GRID1: variants seen among roughly 807,000 people sequenced by gnomAD.
GRID1 encodes the protein glutamate receptor ionotropic, delta-1.
Under a neutral mutation model 98.0 loss-of-function variants are expected in GRID1, and 28 were observed. The ratio of observed to expected loss-of-function variants is 0.29; its 90% CI spans 0.21 to 0.39. The LOEUF (loss-of-function observed/expected upper bound fraction) is 0.39, where lower values mean the gene tolerates loss of function less well. GRID1 is among the 10% of genes least tolerant of loss of function. GRID1 has a pLI of 1.00. For synonymous variants in GRID1, 553 were observed against 538.5 expected, an observed-to-expected ratio of 1.03 and a Z score of -0.37; for missense variants, 1,111 against 1,340.5, an observed-to-expected ratio of 0.83 and a Z score of 2.67.
chr10:86,355,427 T>C (rs938469899), intron 2 of GRID1, among the ~76,000 whole-genome samples: 1 of 152,134 alleles, frequency 6.6e-6, no homozygotes, highest in African/African-American at 2.4e-5. Flanking sequence ...GAGGGAAAAC[T>C]GGAAAGATGG....
At chr10:85,714,310 T>C (rs1222167744) in intron 12 of GRID1, among the ~76,000 whole-genome samples, 3 of 152,032 alleles carry the variant, frequency 2.0e-5, no homozygotes, top group Non-Finnish European at 4.4e-5. Context: ...TCAAGTACTA[T>C]GTTTATCTGA....
intron 2 of GRID1, among the ~76,000 whole-genome samples, chr10:86,349,931 G>A (rs920243040): frequency 3.3e-5 from 5 of 152,182 alleles, no homozygotes; most frequent in South Asian, 2.1e-4. Flanking sequence ...CATCATTGCC[G>A]ACGAGGACGC....
intron 5 of GRID1, among the ~76,000 whole-genome samples, chr10:85,872,268 G>A (rs1306991421): frequency 6.6e-6 from 1 of 152,160 alleles, no homozygotes; most frequent in Non-Finnish European, 1.5e-5. Context: ...ACCTGGGGAG[G>A]TCATGAAGAC....
intron 2 of GRID1, among the ~76,000 whole-genome samples, chr10:86,317,614 C>T (rs1164740361): frequency 6.6e-6 from 1 of 152,148 alleles, no homozygotes; most frequent in Non-Finnish European, 1.5e-5. Flanking sequence ...AGCAAGGACC[C>T]TACACTCGAT....
At chr10:86,213,628 AATC>A (rs1846135711) in intron 2 of GRID1, among the ~76,000 whole-genome samples, 1 of 152,016 alleles carries the variant, frequency 6.6e-6, no homozygotes, top group African/African-American at 2.4e-5. Context: ...CTCTTTATGG[AATC>A]ATCAACATTC....
At chr10:86,320,977 G>A (rs1329353893) in intron 2 of GRID1, among the ~76,000 whole-genome samples, 1 of 151,976 alleles carries the variant, frequency 6.6e-6, no homozygotes, top group Non-Finnish European at 1.5e-5. Context: ...GTGGGCTCCT[G>A]TGGTCCCAGC....
chr10:85,774,267 G>C (rs1240815007), intron 8 of GRID1, among the ~76,000 whole-genome samples: 6 of 152,162 alleles, frequency 3.9e-5, no homozygotes, highest in Admixed American at 2.0e-4. Flanking sequence ...AAACTGGCTA[G>C]CCATATGTAG....
intron 3 of GRID1, among the ~76,000 whole-genome samples, chr10:86,173,950 C>T (rs1845534076): frequency 1.3e-5 from 2 of 151,954 alleles, no homozygotes; most frequent in Admixed American, 6.6e-5. Flanking sequence ...TGTATATGTG[C>T]CACATTTTCT....
intron 5 of GRID1, among the ~76,000 whole-genome samples, chr10:85,914,906 G>A (rs1185900347): frequency 6.6e-6 from 1 of 152,172 alleles, no homozygotes; most frequent in African/African-American, 2.4e-5. Flanking sequence ...AGTGCACTGA[G>A]GTCACACAGG....
At chr10:86,071,891 C>A (rs560009580) in intron 4 of GRID1, among the ~76,000 whole-genome samples, 1 of 152,224 alleles carries the variant, frequency 6.6e-6, no homozygotes, top group African/African-American at 2.4e-5. Context: ...GAGGAGGAGG[C>A]AGAACCTGAG....
intron 3 of GRID1, among the ~76,000 whole-genome samples, chr10:86,187,140 G>C (rs1017725664): frequency 3.9e-5 from 6 of 152,302 alleles, no homozygotes; most frequent in African/African-American, 1.4e-4. Context: ...CATTGGGGGC[G>C]GGGCGGGGCT....
intron 3 of GRID1, among the ~76,000 whole-genome samples, chr10:86,166,960 C>T (rs1845407804): frequency 6.6e-6 from 1 of 152,182 alleles, no homozygotes; most frequent in Non-Finnish European, 1.5e-5. Context: ...ACGGGCATTG[C>T]TACTTTTCTT....
At chr10:85,765,281 A>T (rs1590221592) in intron 8 of GRID1, among the ~76,000 whole-genome samples, 1 of 152,186 alleles carries the variant, frequency 6.6e-6, no homozygotes, top group Admixed American at 6.5e-5. Context: ...CTGCATCCAG[A>T]GGGAGATTTA....
intron 2 of GRID1, among the ~76,000 whole-genome samples, chr10:86,292,703 G>A (rs1847532860): frequency 6.6e-6 from 1 of 152,130 alleles, no homozygotes; most frequent in African/African-American, 2.4e-5. Context: ...GAGTGTGAGT[G>A]TGGATGTGGG....
chr10:86,321,683 G>C (rs1358011830), intron 2 of GRID1, among the ~76,000 whole-genome samples: 1 of 152,166 alleles, frequency 6.6e-6, no homozygotes, highest in African/African-American at 2.4e-5. Flanking sequence ...GTGGCTGGCA[G>C]GGCCATGATG....
At chr10:85,969,999 A>C (rs1842386348) in intron 4 of GRID1, among the ~76,000 whole-genome samples, 1 of 151,992 alleles carries the variant, frequency 6.6e-6, no homozygotes, top group African/African-American at 2.4e-5. Context: ...ATCAGAAATA[A>C]AAGAGGGGAT....
At chr10:86,092,303 C>T in intron 4 of GRID1, among the ~76,000 whole-genome samples, 1 of 152,106 alleles carries the variant, frequency 6.6e-6, no homozygotes, top group East Asian at 1.9e-4. Context: ...ATTCAGGAAA[C>T]TTTGGACACA....
At chr10:85,881,965 A>T (rs1057101918) in intron 5 of GRID1, among the ~76,000 whole-genome samples, 1 of 152,238 alleles carries the variant, frequency 6.6e-6, no homozygotes, top group Non-Finnish European at 1.5e-5. Flanking sequence ...TGGGCAAAGG[A>T]TATGAACAGA....
intron 8 of GRID1, among the ~76,000 whole-genome samples, chr10:85,737,663 T>C (rs1042088486): frequency 7.5e-6 from 1 of 133,384 alleles, no homozygotes; most frequent in African/African-American, 2.8e-5. Context: ...TATATATATA[T>C]ATATATATAT....
Sources: gnomAD v4.1 joint callset for allele counts (sites outside exome capture counted in the v4.1 genomes callset) on GRCh38, gnomAD v4.1.1 for gene constraint, MANE v1.5 for transcripts, NCBI Gene and HGNC (gene_info 2026-07-23, HGNC 2026-07-21) for gene names.